The following SRD5A2 variants were observed in gnomAD, a reference collection of about 807,000 sequenced individuals.
SRD5A2 encodes the protein 3-oxo-5-alpha-steroid 4-dehydrogenase 2.
In SRD5A2, 30 loss-of-function variants were observed where a neutral mutation model predicts 27.4. That is an observed-to-expected ratio of 1.10 (90% CI 0.82 to 1.49). The LOEUF (loss-of-function observed/expected upper bound fraction) is 1.49, where lower values mean the gene tolerates loss of function less well. Among genes scored for constraint, SRD5A2 ranks in the 40% most tolerant of loss-of-function variants. SRD5A2 has a pLI of 0.00. For synonymous variants in SRD5A2, 141 were observed against 133.6 expected (o/e 1.06, Z -0.38); for missense variants, 348 against 323.4 (o/e 1.08, Z -0.58).
At chr2:31,552,043 A>G (rs1167350982) in intron 1 of SRD5A2, among the ~76,000 whole-genome samples, 6 of 151,948 alleles carry the variant, frequency 3.9e-5, no homozygotes. Flanking sequence ...AGGAAAACTC[A>G]TAAATTGGAC....
chr2:31,620,630 A>G, the SRD5A2 span, among the ~76,000 whole-genome samples: 1 of 151,980 alleles, frequency 6.6e-6, no homozygotes, highest in African/African-American at 2.4e-5. Flanking sequence ...GTATACCTAC[A>G]TTAGTAATAC....
At chr2:31,557,475 T>G (rs1045614817) in intron 1 of SRD5A2, among the ~76,000 whole-genome samples, 1 of 152,246 alleles carries the variant, frequency 6.6e-6, no homozygotes, top group African/African-American at 2.4e-5. Flanking sequence ...ACCATAATTT[T>G]TTTTCTTGTA....
the SRD5A2 span, among the ~76,000 whole-genome samples, chr2:31,624,310 A>T: frequency 3.3e-5 from 5 of 152,040 alleles, no homozygotes; most frequent in Non-Finnish European, 7.4e-5. Context: ...TGTGCTAGCA[A>T]ATACTAGGTT....
chr2:31,620,421 T>C, the SRD5A2 span, among the ~76,000 whole-genome samples: 1 of 152,136 alleles, frequency 6.6e-6, no homozygotes, highest in Non-Finnish European at 1.5e-5. Flanking sequence ...GACATTATTC[T>C]ATATGTAGAA....
chr2:31,636,374 T>C, the SRD5A2 span, among the ~76,000 whole-genome samples: 32 of 152,236 alleles, frequency 2.1e-4, no homozygotes, highest in East Asian at 6.0e-3. Context: ...TTCTGTACAT[T>C]GATTTTGTAT....
intron 1 of SRD5A2, among the ~76,000 whole-genome samples, chr2:31,557,217 A>G (rs1275413443): frequency 2.0e-5 from 3 of 152,240 alleles, no homozygotes; most frequent in African/African-American, 7.2e-5. Flanking sequence ...ATTAAAGGGG[A>G]GGAATCACCC....
chr2:31,634,459 T>C, the SRD5A2 span, among the ~76,000 whole-genome samples: 6 of 152,096 alleles, frequency 3.9e-5, no homozygotes, highest in Admixed American at 3.9e-4. Flanking sequence ...GAGACAGTGG[T>C]CAAGAATTTT....
At chr2:31,619,242 G>T in the SRD5A2 span, among the ~76,000 whole-genome samples, 1 of 152,024 alleles carries the variant, frequency 6.6e-6, no homozygotes, top group Non-Finnish European at 1.5e-5. Context: ...GCCACTTTGG[G>T]AAACAATTTG....
At chr2:31,568,976 C>T (rs551356358) in intron 1 of SRD5A2, among the ~76,000 whole-genome samples, 8 of 152,330 alleles carry the variant, frequency 5.3e-5, no homozygotes, top group South Asian at 4.1e-4. Context: ...GGCCAAGGAG[C>T]GGGAGCAGGT....
At chr2:31,612,138 A>G in the SRD5A2 span, among the ~76,000 whole-genome samples, 1 of 151,994 alleles carries the variant, frequency 6.6e-6, no homozygotes, top group Non-Finnish European at 1.5e-5. Context: ...TAAAATAGCC[A>G]GGTATGGTGG....
chr2:31,625,369 A>G, the SRD5A2 span, among the ~76,000 whole-genome samples: 1 of 152,032 alleles, frequency 6.6e-6, no homozygotes, highest in Non-Finnish European at 1.5e-5. Flanking sequence ...GTTTAATTAG[A>G]TCCCATTTGT....
intron 1 of SRD5A2, among the ~76,000 whole-genome samples, chr2:31,552,030 A>T (rs757629450): frequency 5.9e-5 from 9 of 152,058 alleles, no homozygotes; most frequent in Middle Eastern, 6.8e-3. Context: ...CACCATCCAT[A>T]AAAGGAAAAC....
At chr2:31,629,315 C>T in the SRD5A2 span, among the ~76,000 whole-genome samples, 11 of 152,146 alleles carry the variant, frequency 7.2e-5, no homozygotes, top group South Asian at 6.2e-4. Flanking sequence ...AGAGGCTTGC[C>T]GCCATCTTGG....
intron 1 of SRD5A2, among the ~76,000 whole-genome samples, chr2:31,548,545 A>G (rs1666311891): frequency 6.6e-6 from 1 of 152,192 alleles, no homozygotes; most frequent in Non-Finnish European, 1.5e-5. Context: ...ATCTCCAACC[A>G]AACCAATTAA....
rs548652686 is a variant in SRD5A2 at position 31,530,172 on chromosome 2, C to T, written c.548-715G>A. ...ACTAAATTTTATTACCCACATTAAACTGGGGATGTTTCAACCGAAACAATT... is the reference window on the plus strand; with the variant it reads ...ACTAAATTTTATTACCCACATTAAATTGGGGATGTTTCAACCGAAACAATT... On this transcript the variant is annotated intron_variant, in intron 3 of 4. Transcript: ENST00000622030. Among the ~76,000 whole-genome samples, 327 of 152,206 alleles carry T rather than the reference C, an allele frequency of 2.1e-3. 1 individual carries two copies. The highest frequency in any genetic ancestry group is 3.4e-3 in the Non-Finnish European group (230 of 68,046).
At chr2:31,609,749 A>G in the SRD5A2 span, among the ~76,000 whole-genome samples, 1 of 152,090 alleles carries the variant, frequency 6.6e-6, no homozygotes, top group Non-Finnish European at 1.5e-5. Flanking sequence ...ATTCAGAAAA[A>G]AACTTTCATT....
At chr2:31,540,543 G>T (rs1355481609) in intron 1 of SRD5A2, among the ~76,000 whole-genome samples, 1 of 152,214 alleles carries the variant, frequency 6.6e-6, no homozygotes, top group African/African-American at 2.4e-5. Flanking sequence ...AAGGTAGGGA[G>T]AGCATCCTGG....
chr2:31,581,819 C>G (rs1667089291), upstream of SRD5A2, among the ~76,000 whole-genome samples: 1 of 152,184 alleles, frequency 6.6e-6, no homozygotes, highest in African/African-American at 2.4e-5. Flanking sequence ...AGGTGGTGGC[C>G]TGGCGACCCC....
chr2:31,623,411 C>T, the SRD5A2 span, among the ~76,000 whole-genome samples: 1 of 152,018 alleles, frequency 6.6e-6, no homozygotes, highest in Non-Finnish European at 1.5e-5. Flanking sequence ...ATATCAAATG[C>T]AAATTTCAAC....
Sources: allele counts gnomAD v4.1 joint callset (sites outside exome capture counted in the v4.1 genomes callset), GRCh38; gene constraint gnomAD v4.1.1; transcripts MANE v1.5; gene names NCBI Gene and HGNC (gene_info 2026-07-23, HGNC 2026-07-21).